Variants in CDH2 observed in about 807,000 individuals in gnomAD.
CDH2 encodes the protein cadherin-2.
In CDH2, 17 loss-of-function variants were observed where a neutral mutation model predicts 92.0. That is an observed-to-expected ratio of 0.18 (90% CI 0.13 to 0.28). The LOEUF is 0.28. CDH2 is among the 10% of genes least tolerant of loss of function. The probability of loss-of-function intolerance (pLI) is 1.00; values close to 1 mark genes in which losing one functional copy is unlikely to be tolerated. For synonymous variants in CDH2, 419 were observed against 415.9 expected, an observed-to-expected ratio of 1.01 and a Z score of -0.09; for missense variants, 862 against 1,133.1, an observed-to-expected ratio of 0.76 and a Z score of 3.44.
chr18:28,034,433 T>TA (rs1458485188), intron 2 of CDH2, among the ~76,000 whole-genome samples: 8 of 105,370 alleles, frequency 7.6e-5, no homozygotes, highest in African/African-American at 1.9e-4. Context: ...TTTAAATATA[T>TA]TTTTTTTCTG....
At chr18:27,987,555 C>A (rs2012274436) in intron 11 of CDH2, among the ~76,000 whole-genome samples, 2 of 152,062 alleles carry the variant, frequency 1.3e-5, no homozygotes, top group African/African-American at 4.8e-5. Flanking sequence ...CAAATTGAAG[C>A]CTGCTATTTT....
intron 2 of CDH2, among the ~76,000 whole-genome samples, chr18:28,095,003 C>G (rs1016078848): frequency 6.6e-6 from 1 of 152,046 alleles, no homozygotes; most frequent in African/African-American, 2.4e-5. Flanking sequence ...CCAACAATTT[C>G]TGTTCATTGC....
chr18:27,966,526 T>C (rs928509174), intron 14 of CDH2, among the ~76,000 whole-genome samples: 1 of 152,198 alleles, frequency 6.6e-6, no homozygotes, highest in African/African-American at 2.4e-5. Flanking sequence ...TTTGATTGGC[T>C]AGCAGACTTT....
intron 6 of CDH2, among the ~76,000 whole-genome samples, chr18:27,940,738 T>A (rs937870353): frequency 9.2e-5 from 14 of 152,190 alleles, no homozygotes; most frequent in African/African-American, 3.4e-4. Flanking sequence ...CAATTTAACA[T>A]GCAAAAACAG....
chr18:28,161,580 G>GAAAA (rs35615619), intron 1 of CDH2, among the ~76,000 whole-genome samples: 1 of 49,764 alleles, frequency 2.0e-5, no homozygotes, highest in African/African-American at 7.8e-5. Flanking sequence ...ACCCTGTCTC[G>GAAAA]AAAAAAAAAA....
At chr18:28,166,510 A>G (rs147092618) in intron 1 of CDH2, among the ~76,000 whole-genome samples, 41 of 152,154 alleles carry the variant, frequency 2.7e-4, no homozygotes, top group African/African-American at 9.6e-4. Context: ...ATTCTCCCCA[A>G]ATGTTCTTAT....
chr18:27,967,811 A>G (rs939812849), intron 14 of CDH2, among the ~76,000 whole-genome samples: 1 of 152,250 alleles, frequency 6.6e-6, no homozygotes, highest in Non-Finnish European at 1.5e-5. Flanking sequence ...GTAAGAAGTT[A>G]GCATGACTTG....
Position 27,990,422 on chromosome 18 carries a change from T to A in CDH2, c.1345-72A>T, listed in dbSNP as rs375714355. 8.5e-6 allele frequency: 12 copies of A among 1,412,792 alleles called. No homozygotes were observed. In the East Asian group the frequency reaches 1.1e-4, roughly 14 times the overall value. The allele number at this position is 1,412,792 out of a possible 1,614,324, so 87.5% of individuals were successfully genotyped here. A position where few individuals can be genotyped will look rare whatever the true frequency, so the allele number is the denominator to read the frequency against. On this transcript the variant is annotated intron_variant, in intron 9 of 15. Transcript: ENST00000269141. Reference sequence around the variant, plus strand: ...TTGCATTCTGTAGTTTATTCCTCTATCAACTCCATTTCCAAAAAATTAATT... The same window carrying A: ...TTGCATTCTGTAGTTTATTCCTCTAACAACTCCATTTCCAAAAAATTAATT...
intron 2 of CDH2, among the ~76,000 whole-genome samples, chr18:28,035,584 C>T (rs1056119738): frequency 1.3e-4 from 19 of 151,806 alleles, no homozygotes; most frequent in Non-Finnish European, 2.2e-4. Context: ...CTAAGCTCTG[C>T]GTAGATACAA....
At chr18:28,164,395 G>A (rs185186506) in intron 1 of CDH2, among the ~76,000 whole-genome samples, 1 of 152,114 alleles carries the variant, frequency 6.6e-6, no homozygotes, top group South Asian at 2.1e-4. Context: ...GTGGTACATA[G>A]TAATTACTAA....
chr18:28,133,052 C>T (rs984430457), intron 2 of CDH2, among the ~76,000 whole-genome samples: 3 of 152,168 alleles, frequency 2.0e-5, no homozygotes, highest in African/African-American at 7.2e-5. Context: ...TCAAACTGCC[C>T]TTCTTGAAAT....
intron 1 of CDH2, among the ~76,000 whole-genome samples, chr18:28,172,579 A>C (rs559964397): frequency 6.6e-6 from 1 of 152,330 alleles, no homozygotes; most frequent in Admixed American, 6.5e-5. Flanking sequence ...TTTCAACTTA[A>C]AACTCTTAAC....
rs1326960637 is a variant in CDH2 at position 28,011,779 on chromosome 18, A to T, written c.546+67T>A. The T allele has an allele frequency of 5.5e-6, 8 of 1,467,024 alleles. No homozygotes were observed. In the Admixed American group the frequency reaches 1.6e-4, roughly 29 times the overall value. 90.9% of individuals were successfully genotyped at this position (1,467,024 alleles called of 1,614,324 possible). A position where few individuals can be genotyped will look rare whatever the true frequency, so the allele number is the denominator to read the frequency against. ...ATAAATTCTACTTTGTAAAAAAAAT[A>T]GACAGAAATATTTTTAACATACATT... On this transcript the variant is annotated intron_variant, in intron 4 of 15. Coordinates refer to ENST00000269141, the MANE Select transcript of CDH2 (RefSeq NM_001792.5).
intron 2 of CDH2, chr18:28,045,422 T>C (rs1025882067): frequency 1.5e-5 from 7 of 468,800 alleles, no homozygotes; most frequent in Non-Finnish European, 3.1e-5. Context: ...CCTTTGAGTG[T>C]TACACATGTC....
In CDH2 at chr18:27,985,188, C is replaced by T. The variant is rs1273934223; in HGVS notation, c.2021G>A (p.Gly674Asp). The T allele has an allele frequency of 4.3e-6, 7 of 1,613,016 alleles. No individual in the cohort carries two copies. The highest frequency in any genetic ancestry group is 2.5e-6 in the Non-Finnish European group (3 of 1,179,098). ...LNLKIKFLEA[G>D]IYEVPIIITD... The stretch of plus-strand genomic sequence containing the variant: ...GATTATGATGGGAACTTCATAGATA[C>T]CAGCTTCAAGAAATTTTATCTTTAA... The change falls in exon 13 of 16, where the codon GGT (glycine) becomes GAT (aspartate). Residue 674 changes from glycine to aspartate, a missense_variant. By Grantham distance (94) the Gly-to-Asp change is moderately conservative (BLOSUM62 -1). Around this residue, in one of 5 missense-constraint regions of CDH2, gnomAD observed 564 missense variants for 722.2 expected, o/e 0.78. Coordinates refer to ENST00000269141, the MANE Select transcript of CDH2 (RefSeq NM_001792.5).
chr18:28,061,919 C>T (rs2014410704), intron 2 of CDH2, among the ~76,000 whole-genome samples: 1 of 152,084 alleles, frequency 6.6e-6, no homozygotes, highest in Non-Finnish European at 1.5e-5. Context: ...CTGGTCCCTC[C>T]CATGACACAT....
chr18:28,065,914 G>A (rs192067077), intron 2 of CDH2, among the ~76,000 whole-genome samples: 58 of 152,170 alleles, frequency 3.8e-4, no homozygotes, highest in Admixed American at 7.2e-4. Context: ...CACTCTCCCT[G>A]GGCTTTGAGG....
intron 2 of CDH2, among the ~76,000 whole-genome samples, chr18:28,043,463 T>TAAATAA (rs1320261586): frequency 1.3e-3 from 39 of 30,224 alleles, no homozygotes; most frequent in African/African-American, 4.7e-3. Context: ...TATAAATAAA[T>TAAATAA]ATATATATAT....
At chr18:28,092,033 A>C (rs764206643) in intron 2 of CDH2, among the ~76,000 whole-genome samples, 8 of 151,824 alleles carry the variant, frequency 5.3e-5, no homozygotes, top group Non-Finnish European at 1.2e-4. Context: ...TGTCCTAAGA[A>C]CACCAATGAT....
Sources: allele counts gnomAD v4.1 joint callset (sites outside exome capture counted in the v4.1 genomes callset), GRCh38; gene constraint gnomAD v4.1.1; regional missense constraint gnomAD v4.1.1; transcripts MANE v1.5; gene names NCBI Gene and HGNC (gene_info 2026-07-23, HGNC 2026-07-21).